The following FEM1C variants were observed in gnomAD, a reference collection of about 807,000 sequenced individuals.
FEM1C encodes fem-1 homolog C, also known as protein fem-1 homolog C.
In FEM1C, 15 loss-of-function variants were observed where a neutral mutation model predicts 37.6. That is an observed-to-expected ratio of 0.40 (90% confidence interval 0.27 to 0.61). The LOEUF is 0.61. Ranked by LOEUF, FEM1C falls within the 20% of genes least tolerant of loss-of-function variation. FEM1C has a pLI of 0.42. For missense variants in FEM1C, 532 were observed against 749.7 expected (o/e 0.71, Z 3.39); for synonymous variants, 287 against 272.8 (o/e 1.05, Z -0.51).
chr5:115,524,725 T>C lies in FEM1C; in HGVS notation c.1437A>G (p.Gly479=). ...GATGAAGAGGGCTGAAGTTATTCTT[T>C]CCCCTTGGATGCAGCTTAAGAAACC... ...IYRFLKLHPR[G]KNNFSPLHLA... The change falls in exon 3 of 3, where the codon GGA becomes GGG. Residue 479 remains glycine, a synonymous_variant. Coordinates refer to ENST00000274457, the MANE Select transcript of FEM1C (RefSeq NM_020177.3). 1 of 1,541,216 alleles carries C rather than the reference T, an allele frequency of 6.5e-7. No individual in the cohort carries two copies. Among genetic ancestry groups the C allele is most frequent in the Non-Finnish European group, 8.7e-7 (1 of 1,148,326 alleles).
chr5:115,543,664 C>A lies in FEM1C; in HGVS notation c.-171G>T. On this transcript the variant is annotated 5_prime_UTR_variant, in exon 2 of 3. Coordinates refer to ENST00000274457, the MANE Select transcript of FEM1C (RefSeq NM_020177.3). Reference sequence around the variant, plus strand: ...GTTCCGTCCTACTGCTTTCCAACATCTGACAACCAGGGCACCAAACTAGAG... The same window carrying A: ...GTTCCGTCCTACTGCTTTCCAACATATGACAACCAGGGCACCAAACTAGAG... 1 of 1,365,144 alleles carries A rather than the reference C, an allele frequency of 7.3e-7. No individual in the cohort carries two copies. Among genetic ancestry groups the A allele is most frequent in the Non-Finnish European group, 9.4e-7 (1 of 1,063,558 alleles). The allele number at this position is 1,365,144 out of a possible 1,614,324, so 84.6% of individuals were successfully genotyped here. A position where few individuals can be genotyped will look rare whatever the true frequency, so the allele number is the denominator to read the frequency against.
At chr5:115,525,893 T>G (rs1417071318) in intron 2 of FEM1C, among the ~76,000 whole-genome samples, 1 of 152,146 alleles carries the variant, frequency 6.6e-6, no homozygotes, top group African/African-American at 2.4e-5. Flanking sequence ...CTCTTCGTAT[T>G]TTTCATTAAT....
At chr5:115,529,280 G>GAA (rs1219317653) in intron 2 of FEM1C, among the ~76,000 whole-genome samples, 1 of 151,802 alleles carries the variant, frequency 6.6e-6, no homozygotes, top group Non-Finnish European at 1.5e-5. Flanking sequence ...AGGACAAAGA[G>GAA]AAAAATCTTA....
At chr5:115,536,166 G>A (rs1754123769) in intron 2 of FEM1C, among the ~76,000 whole-genome samples, 1 of 151,896 alleles carries the variant, frequency 6.6e-6, no homozygotes, top group African/African-American at 2.4e-5. Flanking sequence ...ATAACCCCGT[G>A]AACATACTGA....
intron 2 of FEM1C, among the ~76,000 whole-genome samples, chr5:115,538,052 A>T (rs1580384305): frequency 6.6e-6 from 1 of 152,078 alleles, no homozygotes; most frequent in South Asian, 2.1e-4. Flanking sequence ...GAGAGAAATA[A>T]TATAAAGCCT....
intron 2 of FEM1C, among the ~76,000 whole-genome samples, chr5:115,538,951 T>C (rs1177547637): frequency 1.3e-5 from 2 of 151,998 alleles, no homozygotes; most frequent in African/African-American, 4.8e-5. Flanking sequence ...ACTTTCTCCA[T>C]GAAGCATTCC....
At chr5:115,534,857 C>A (rs1754091999) in intron 2 of FEM1C, among the ~76,000 whole-genome samples, 1 of 151,904 alleles carries the variant, frequency 6.6e-6, no homozygotes, top group South Asian at 2.1e-4. Context: ...GATACCTACG[C>A]TGCTGGTCCT....
intron 2 of FEM1C, among the ~76,000 whole-genome samples, chr5:115,538,805 C>T (rs563791182): frequency 5.3e-5 from 8 of 152,074 alleles, no homozygotes; most frequent in African/African-American, 1.9e-4. Flanking sequence ...AAGTGCCTTT[C>T]CTTATGCCAT....
At position 115,544,224 on chromosome 5, in the gene FEM1C, T is replaced by C. The variant is rs1301529861; in HGVS notation, c.-191+299A>G. 13 of 974,122 alleles carry C rather than the reference T, an allele frequency of 1.3e-5. No homozygotes were observed. The East Asian group carries it at 1.5e-3, about 112-fold the overall frequency. 60.3% of individuals were successfully genotyped at this position (974,122 alleles called of 1,614,324 possible). A position where few individuals can be genotyped will look rare whatever the true frequency, so the allele number is the denominator to read the frequency against. ...GGCTCTCAGGAAATCCGCCTGCCTTTTAGTCATTAACTTCGCCCGCCCCAT... is the reference window on the plus strand; with the variant it reads ...GGCTCTCAGGAAATCCGCCTGCCTTCTAGTCATTAACTTCGCCCGCCCCAT... On this transcript the variant is annotated intron_variant, in intron 1 of 2. Transcript: ENST00000274457.
chr5:115,535,031 A>G (rs935077572), intron 2 of FEM1C, among the ~76,000 whole-genome samples: 1 of 151,938 alleles, frequency 6.6e-6, no homozygotes, highest in Non-Finnish European at 1.5e-5. Context: ...ATAAAATTGT[A>G]TCATTCCTCT....
At chr5:115,535,969 C>T (rs1049935867) in intron 2 of FEM1C, among the ~76,000 whole-genome samples, 1 of 152,022 alleles carries the variant, frequency 6.6e-6, no homozygotes, top group Non-Finnish European at 1.5e-5. Flanking sequence ...TCACAAAAGA[C>T]TACATATTAT....
intron 1 of FEM1C, among the ~76,000 whole-genome samples, chr5:115,544,289 G>C (rs1161755629): frequency 2.1e-5 from 3 of 143,022 alleles, no homozygotes; most frequent in South Asian, 2.2e-4. Flanking sequence ...ATGATCCGCA[G>C]GTTCCTCAAA....
intron 2 of FEM1C, among the ~76,000 whole-genome samples, chr5:115,538,555 G>T (rs1282238167): frequency 2.0e-5 from 3 of 152,008 alleles, no homozygotes; most frequent in Non-Finnish European, 2.9e-5. Context: ...CTATGTAGTA[G>T]AATGCGGTTA....
At chr5:115,541,749 G>A (rs1754245845) in intron 2 of FEM1C, among the ~76,000 whole-genome samples, 1 of 152,086 alleles carries the variant, frequency 6.6e-6, no homozygotes, top group Non-Finnish European at 1.5e-5. Context: ...GTGTGTTGGA[G>A]TTGAATGACA....
intron 2 of FEM1C, among the ~76,000 whole-genome samples, chr5:115,529,390 T>C (rs1027411988): frequency 6.6e-6 from 1 of 151,966 alleles, no homozygotes; most frequent in Non-Finnish European, 1.5e-5. Context: ...AAATGATATT[T>C]AAAAGCACGA....
At chr5:115,533,193 T>G (rs1470485454) in intron 2 of FEM1C, among the ~76,000 whole-genome samples, 1 of 152,080 alleles carries the variant, frequency 6.6e-6, no homozygotes, top group Non-Finnish European at 1.5e-5. Flanking sequence ...CTACTAAAAT[T>G]AACTTTTTAA....
intron 2 of FEM1C, among the ~76,000 whole-genome samples, chr5:115,531,143 A>G (rs980905792): frequency 2.0e-5 from 3 of 152,136 alleles, no homozygotes; most frequent in African/African-American, 7.2e-5. Context: ...CCAACTGCCA[A>G]TTCAGTGTAC....
rs768115858 is a variant in FEM1C, at chr5:115,525,376, C to T, written c.786G>A (p.Leu262=). 7 of 1,613,524 alleles carry T rather than the reference C, an allele frequency of 4.3e-6. No individual in the cohort carries two copies. The highest frequency in any genetic ancestry group is 5.9e-6 in the Non-Finnish European group (7 of 1,179,788). Residue 262 remains leucine, a synonymous_variant, in exon 3 of 3, where the codon CTG becomes CTA. Coordinates refer to ENST00000274457, the MANE Select transcript of FEM1C (RefSeq NM_020177.3). ...GATFVDKKRD[L]LGALKYWKKA... is the part of the protein sequence containing the mutation. ...TTTTCCAGTATTTCAAAGCCCCAAG[C>T]AGATCTCTTTTTTTGTCTACAAATG... is the stretch of plus-strand genomic sequence containing the variant.
rs1339846495 is a variant in FEM1C, at chr5:115,523,928, G to C, written c.*380C>G. On this transcript the variant is annotated 3_prime_UTR_variant, in exon 3 of 3. Transcript: ENST00000274457. Reference sequence around the variant, plus strand: ...ACAGGGGGGAAACTTGAGAAGAGAAGAAAGAAGCAAGAAAAAAAGACTTTC... The same window carrying C: ...ACAGGGGGGAAACTTGAGAAGAGAACAAAGAAGCAAGAAAAAAAGACTTTC... 2.2e-5 allele frequency: 4 copies of C among 183,258 alleles called. No homozygotes were observed. Among genetic ancestry groups the C allele is most frequent in the African/African-American group, 9.6e-5 (4 of 41,626 alleles). 11.4% of individuals were successfully genotyped at this position (183,258 alleles called of 1,614,324 possible). A position where few individuals can be genotyped will look rare whatever the true frequency, so the allele number is the denominator to read the frequency against.
Sources: gnomAD v4.1 joint callset for allele counts (sites outside exome capture counted in the v4.1 genomes callset) on GRCh38, gnomAD v4.1.1 for gene constraint, MANE v1.5 for transcripts, NCBI Gene and HGNC (gene_info 2026-07-23, HGNC 2026-07-21) for gene names.